The following GLI3 variants were observed in gnomAD, a reference collection of about 807,000 sequenced individuals.
GLI3 encodes GLI family zinc finger 3, also known as transcription activator GLI3.
GLI3 carries 20 observed loss-of-function variants against 100.8 expected under a neutral mutation model. That is an observed-to-expected ratio of 0.20 (90% CI 0.14 to 0.29). The LOEUF is 0.29. Among genes scored for constraint, GLI3 ranks in the 10% least tolerant of loss-of-function variants. The probability of loss-of-function intolerance (pLI) is 1.00; values close to 1 mark genes in which losing one functional copy is unlikely to be tolerated. For synonymous variants in GLI3, 938 were observed against 860.5 expected (o/e 1.09, Z -1.58); for missense variants, 2,040 against 2,128.5 (o/e 0.96, Z 0.82).
chr7:42,232,045 T>C (rs1265785607), intron 1 of GLI3, among the ~76,000 whole-genome samples: 1 of 152,176 alleles, frequency 6.6e-6, no homozygotes, highest in Non-Finnish European at 1.5e-5. Context: ...TTTAATTTTG[T>C]GGCATAAGAA....
chr7:42,109,826 T>A (rs1325120111), intron 3 of GLI3, among the ~76,000 whole-genome samples: 1 of 152,200 alleles, frequency 6.6e-6, no homozygotes, highest in Non-Finnish European at 1.5e-5. Context: ...CAGCAGCAGT[T>A]ATGAACGTCG....
chr7:42,217,119 T>C (rs996427014), intron 2 of GLI3, among the ~76,000 whole-genome samples: 1 of 152,160 alleles, frequency 6.6e-6, no homozygotes, highest in Non-Finnish European at 1.5e-5. Context: ...ATTTTAATCA[T>C]CTAAGCATGA....
intron 3 of GLI3, among the ~76,000 whole-genome samples, chr7:42,077,682 C>A (rs1184066063): frequency 6.6e-6 from 1 of 151,832 alleles, no homozygotes; most frequent in Non-Finnish European, 1.5e-5. Context: ...CTCCCACCCC[C>A]ACTTACTCCT....
At chr7:42,227,787 C>T (rs1207091383) in intron 1 of GLI3, 1 of 152,148 alleles carries the variant, frequency 6.6e-6, no homozygotes, top group East Asian at 1.9e-4. Context: ...ACACAGACGC[C>T]TCAAGTCGTC....
intron 1 of GLI3, among the ~76,000 whole-genome samples, chr7:42,261,484 T>C (rs1789140110): frequency 6.6e-6 from 1 of 152,210 alleles, no homozygotes; most frequent in Non-Finnish European, 1.5e-5. Flanking sequence ...AACCGTTCAC[T>C]GTATGCAAAG....
chr7:42,027,328 A>T (rs1027732995), intron 7 of GLI3, among the ~76,000 whole-genome samples: 1 of 152,180 alleles, frequency 6.6e-6, no homozygotes, highest in African/African-American at 2.4e-5. Context: ...TAATAATTGC[A>T]TTCATGGAAA....
chr7:42,180,065 G>A (rs1274939003), intron 2 of GLI3, among the ~76,000 whole-genome samples: 3 of 152,160 alleles, frequency 2.0e-5, no homozygotes, highest in African/African-American at 7.2e-5. Flanking sequence ...TACAGAGGGA[G>A]AAGAGGGCCC....
chr7:42,223,048 T>C (rs1269686597), intron 2 of GLI3, 82 bp downstream of exon 2: 3 of 1,531,686 alleles, frequency 2.0e-6, no homozygotes, highest in Non-Finnish European at 1.8e-6. Context: ...CTGGTCCAGG[T>C]GCAAACGCTC....
chr7:42,245,208 G>A (rs1558074), intron 1 of GLI3, among the ~76,000 whole-genome samples: 124,260 of 152,086 alleles, frequency 0.82, 51,088 homozygotes, highest in Middle Eastern at 0.93. Flanking sequence ...TCAAGTCAGT[G>A]TGGAAGCTCC....
rs1391962519 is a variant in GLI3, at chr7:41,961,032, A to G, written c.*3298T>C. On this transcript the variant is annotated 3_prime_UTR_variant, in exon 15 of 15. Coordinates refer to ENST00000395925, the MANE Select transcript of GLI3 (RefSeq NM_000168.6). The stretch of plus-strand genomic sequence containing the variant: ...AAAAGGACTAAGTGGTTCTGAAAGC[A>G]AAGGTAGAGTTCATCTGTGGCTGGG... 1 of 152,628 alleles carries G rather than the reference A, an allele frequency of 6.6e-6. No individual in the cohort carries two copies. Among genetic ancestry groups the G allele is most frequent in the East Asian group, 1.9e-4 (1 of 5,186 alleles). 9.5% of individuals were successfully genotyped at this position (152,628 alleles called of 1,614,324 possible). A position where few individuals can be genotyped will look rare whatever the true frequency, so the allele number is the denominator to read the frequency against.
upstream of GLI3, among the ~76,000 whole-genome samples, chr7:42,240,765 C>T (rs1013753761): frequency 3.9e-5 from 6 of 152,166 alleles, no homozygotes; most frequent in African/African-American, 2.4e-5. Flanking sequence ...TCAACATTTT[C>T]TTCTGGGGGA....
chr7:42,092,900 G>A (rs1785256459), intron 3 of GLI3, among the ~76,000 whole-genome samples: 1 of 151,596 alleles, frequency 6.6e-6, no homozygotes, highest in Non-Finnish European at 1.5e-5. Flanking sequence ...TGCAACCTCC[G>A]TCTCTGGAGT....
chr7:41,973,994 T>C lies in GLI3; in HGVS notation c.1813-1367A>G, dbSNP rs148893425. Among the ~76,000 whole-genome samples, 202 of 152,302 alleles carry C rather than the reference T, an allele frequency of 1.3e-3. 4 individuals carry two copies. In the East Asian group the frequency reaches 0.03, roughly 23 times the overall value. ...AGACTGGCTCTGATAATTAGTGCCA[T>C]TACCTTACAGTGTTCTGACACAGGC... On this transcript the variant is annotated intron_variant, in intron 12 of 14. Transcript: ENST00000395925.
At chr7:41,991,163 G>A (rs954207370) in intron 10 of GLI3, among the ~76,000 whole-genome samples, 13 of 152,300 alleles carry the variant, frequency 8.5e-5, no homozygotes, top group South Asian at 6.2e-4. Context: ...ATGCAGAAAC[G>A]AATACTGTCT....
intron 10 of GLI3, among the ~76,000 whole-genome samples, chr7:42,000,484 C>T (rs1198450156): frequency 6.6e-6 from 1 of 152,186 alleles, no homozygotes; most frequent in Non-Finnish European, 1.5e-5. Context: ...AAAGCCCCCA[C>T]AGTCATAGGA....
chr7:42,002,624 A>G (rs755035424), intron 10 of GLI3, among the ~76,000 whole-genome samples: 1 of 152,248 alleles, frequency 6.6e-6, no homozygotes, highest in East Asian at 1.9e-4. Context: ...AATATCATAT[A>G]TATCACATCA....
intron 4 of GLI3, among the ~76,000 whole-genome samples, chr7:42,054,893 G>T (rs901026253): frequency 2.0e-5 from 3 of 151,826 alleles, no homozygotes; most frequent in African/African-American, 7.3e-5. Flanking sequence ...TACTCGGGAG[G>T]CTGAGGCAGG....
At chr7:42,115,133 CTTTTTTTT>C (rs56200386) in intron 3 of GLI3, among the ~76,000 whole-genome samples, 1 of 99,630 alleles carries the variant, frequency 1.0e-5, no homozygotes, top group South Asian at 3.6e-4. Flanking sequence ...AATTTTCCTA[CTTTTTTTT>C]TTTTTTTTTT....
intron 3 of GLI3, among the ~76,000 whole-genome samples, chr7:42,082,129 G>C (rs764502285): frequency 1.3e-5 from 2 of 151,854 alleles, no homozygotes; most frequent in Non-Finnish European, 2.9e-5. Flanking sequence ...TCTATAAAAT[G>C]AAAGGTCTCA....
Sources: gnomAD v4.1 joint callset for allele counts (sites outside exome capture counted in the v4.1 genomes callset) on GRCh38, gnomAD v4.1.1 for gene constraint, MANE v1.5 for transcripts, NCBI Gene and HGNC (gene_info 2026-07-23, HGNC 2026-07-21) for gene names.